Variants in ELMO1 observed in about 807,000 individuals in gnomAD.
The protein encoded by ELMO1 is engulfment and cell motility 1, also known as engulfment and cell motility protein 1.
In ELMO1, 26 loss-of-function variants were observed where a neutral mutation model predicts 98.9. The observed-to-expected ratio is 0.26, with a 90% CI of 0.19 to 0.36. The LOEUF (loss-of-function observed/expected upper bound fraction) is 0.36. ELMO1 is among the 10% of genes least tolerant of loss of function. ELMO1 has a pLI of 1.00. For synonymous variants in ELMO1, 346 were observed against 346.0 expected (o/e 1.00, Z 0.00); for missense variants, 627 against 935.2 (o/e 0.67, Z 4.30).
chr7:36,960,049 C>T (rs916940711), intron 16 of ELMO1, among the ~76,000 whole-genome samples: 2 of 152,218 alleles, frequency 1.3e-5, no homozygotes. Context: ...TCTGTTCCTC[C>T]TGTCCATTGG....
chr7:37,328,367 T>C (rs1446788291), intron 2 of ELMO1, among the ~76,000 whole-genome samples: 4 of 101,350 alleles, frequency 3.9e-5, no homozygotes, highest in Non-Finnish European at 5.4e-5. Flanking sequence ...CTGGGCAACA[T>C]AGGGAGACCC....
intron 14 of ELMO1, among the ~76,000 whole-genome samples, chr7:37,124,782 C>CTACT (rs993890396): frequency 6.7e-6 from 1 of 148,870 alleles, no homozygotes; most frequent in African/African-American, 2.6e-5. Flanking sequence ...TTGGAAAAAA[C>CTACT]TACTTTAAAG....
At chr7:37,389,193 C>T (rs1213631363) in intron 1 of ELMO1, among the ~76,000 whole-genome samples, 3 of 152,188 alleles carry the variant, frequency 2.0e-5, no homozygotes, top group Non-Finnish European at 4.4e-5. Flanking sequence ...GCCCTGTTAT[C>T]TGTACCTTGT....
intron 16 of ELMO1, among the ~76,000 whole-genome samples, chr7:36,896,328 A>G (rs1046447668): frequency 7.9e-5 from 12 of 152,210 alleles, no homozygotes; most frequent in African/African-American, 2.9e-4. Flanking sequence ...TGGATTTGGC[A>G]TAGATTTGAT....
chr7:36,976,650 A>G (rs1790575376), intron 16 of ELMO1, among the ~76,000 whole-genome samples: 2 of 152,222 alleles, frequency 1.3e-5, no homozygotes. Flanking sequence ...TGAGCAACAC[A>G]TCATAGTAAG....
At chr7:37,118,821 A>T (rs1785785212) in intron 14 of ELMO1, among the ~76,000 whole-genome samples, 1 of 152,184 alleles carries the variant, frequency 6.6e-6, no homozygotes, top group Non-Finnish European at 1.5e-5. Flanking sequence ...TAAGCCCTGA[A>T]AAAAGGCAAT....
intron 17 of ELMO1, among the ~76,000 whole-genome samples, chr7:36,888,036 C>A (rs73689676): frequency 0.016 from 2,455 of 152,260 alleles, 25 homozygotes; most frequent in Middle Eastern, 0.02. Context: ...CAACTTTTTT[C>A]CCCTGTACCA....
intron 1 of ELMO1, among the ~76,000 whole-genome samples, chr7:37,428,053 G>GTGTGTA (rs1804782149): frequency 6.6e-6 from 1 of 151,738 alleles, no homozygotes; most frequent in Admixed American, 6.6e-5. Context: ...GTGTGTGTGT[G>GTGTGTA]TGTGTCTGTG....
At chr7:37,309,965 TCTC>T (rs1462450566) in intron 4 of ELMO1, among the ~76,000 whole-genome samples, 9 of 152,192 alleles carry the variant, frequency 5.9e-5, no homozygotes. Flanking sequence ...AGTGGAATCA[TCTC>T]CTGACCAGAA....
intron 16 of ELMO1, among the ~76,000 whole-genome samples, chr7:36,962,613 AG>A (rs1202311586): frequency 1.5e-5 from 2 of 135,740 alleles, no homozygotes; most frequent in Non-Finnish European, 3.1e-5. Flanking sequence ...AAACAGAAGG[AG>A]GTGAAAGCTC....
intron 1 of ELMO1, among the ~76,000 whole-genome samples, chr7:37,371,779 G>A (rs540048576): frequency 3.9e-5 from 6 of 152,106 alleles, no homozygotes; most frequent in Non-Finnish European, 5.9e-5. Context: ...CTTCTTAATC[G>A]TTGCCTGAAT....
intron 17 of ELMO1, among the ~76,000 whole-genome samples, chr7:36,894,416 C>T (rs1232193698): frequency 6.6e-6 from 1 of 152,202 alleles, no homozygotes; most frequent in Non-Finnish European, 1.5e-5. Context: ...AGCTCTCACT[C>T]CCACTCATTT....
At chr7:37,008,281 T>C (rs1158587087) in intron 16 of ELMO1, among the ~76,000 whole-genome samples, 1 of 152,230 alleles carries the variant, frequency 6.6e-6, no homozygotes, top group African/African-American at 2.4e-5. Context: ...TCACCAGCCA[T>C]TAAATATGTG....
intron 16 of ELMO1, among the ~76,000 whole-genome samples, chr7:36,905,258 C>CAA (rs141887583): frequency 0.025 from 3,822 of 152,244 alleles, 160 homozygotes; most frequent in African/African-American, 0.087. Flanking sequence ...GGGGTGAAAA[C>CAA]AAAGCCTTTT....
At chr7:37,416,543 G>A (rs1804222252) in intron 1 of ELMO1, among the ~76,000 whole-genome samples, 1 of 152,154 alleles carries the variant, frequency 6.6e-6, no homozygotes, top group South Asian at 2.1e-4. Context: ...TGATGCCCCT[G>A]GAACTGGATA....
intron 15 of ELMO1, among the ~76,000 whole-genome samples, chr7:37,020,709 C>A (rs1794217193): frequency 6.6e-6 from 1 of 152,128 alleles, no homozygotes; most frequent in African/African-American, 2.4e-5. Flanking sequence ...GATTTGGGAG[C>A]ACTGGGCAAA....
At chr7:37,419,091 G>A (rs899846357) in intron 1 of ELMO1, among the ~76,000 whole-genome samples, 23 of 152,088 alleles carry the variant, frequency 1.5e-4, no homozygotes, top group Admixed American at 7.2e-4. Context: ...AGAAACAGCC[G>A]CTCAGGATGC....
intron 13 of ELMO1, among the ~76,000 whole-genome samples, chr7:37,137,427 A>C (rs1373840273): frequency 6.6e-6 from 1 of 152,242 alleles, no homozygotes; most frequent in Non-Finnish European, 1.5e-5. Context: ...AATGGACTTA[A>C]TGGATATTTA....
intron 13 of ELMO1, among the ~76,000 whole-genome samples, chr7:37,176,316 C>A (rs1200556438): frequency 6.6e-6 from 1 of 152,150 alleles, no homozygotes; most frequent in African/African-American, 2.4e-5. Flanking sequence ...CCTCCCTATG[C>A]ATTGACAAAG....
Sources: allele counts gnomAD v4.1 joint callset (sites outside exome capture counted in the v4.1 genomes callset), GRCh38; gene constraint gnomAD v4.1.1; transcripts MANE v1.5; gene names NCBI Gene and HGNC (gene_info 2026-07-23, HGNC 2026-07-21).